Variants in CSMD1 observed in about 807,000 individuals in gnomAD.
CSMD1 encodes CUB and sushi domain-containing protein 1.
In CSMD1, 213 loss-of-function variants were observed where a neutral mutation model predicts 417.5. The observed-to-expected ratio is 0.51, with a 90% CI of 0.46 to 0.57. The LOEUF (loss-of-function observed/expected upper bound fraction) is 0.57. Ranked by LOEUF, CSMD1 falls within the 20% of genes least tolerant of loss-of-function variation. The probability of loss-of-function intolerance (pLI) is 0.00; values close to 1 mark genes in which losing one functional copy is unlikely to be tolerated. For synonymous variants in CSMD1, 2,862 were observed against 1,736.8 expected (o/e 1.65, Z -16.11); for missense variants, 6,923 against 4,529.7 (o/e 1.53, Z -15.17).
At chr8:4,471,069 G>C (rs1051428775) in intron 2 of CSMD1, among the ~76,000 whole-genome samples, 3 of 152,096 alleles carry the variant, frequency 2.0e-5, no homozygotes, top group Admixed American at 6.5e-5. Flanking sequence ...TAATAAATCA[G>C]TTAAAATCTT....
At chr8:4,379,247 T>C (rs1802946631) in intron 3 of CSMD1, among the ~76,000 whole-genome samples, 2 of 152,098 alleles carry the variant, frequency 1.3e-5, no homozygotes, top group Admixed American at 6.6e-5. Flanking sequence ...AGCCTCAACA[T>C]GTGGGACTTT....
At chr8:3,632,582 A>T (rs575738820) in intron 7 of CSMD1, among the ~76,000 whole-genome samples, 21 of 152,306 alleles carry the variant, frequency 1.4e-4, no homozygotes, top group African/African-American at 5.1e-4. Context: ...CATAAAGATG[A>T]TGATTCTGGA....
intron 3 of CSMD1, among the ~76,000 whole-genome samples, chr8:4,321,842 G>C (rs903291055): frequency 2.6e-5 from 4 of 152,098 alleles, no homozygotes; most frequent in Non-Finnish European, 4.4e-5. Flanking sequence ...TACACTACTT[G>C]ACACGTAATT....
At chr8:3,995,972 C>T (rs1815181759) in intron 5 of CSMD1, among the ~76,000 whole-genome samples, 1 of 152,172 alleles carries the variant, frequency 6.6e-6, no homozygotes, top group African/African-American at 2.4e-5. Context: ...ACCAAGAAGA[C>T]AGTGGTAGTC....
intron 1 of CSMD1, among the ~76,000 whole-genome samples, chr8:4,913,502 A>G (rs1481916930): frequency 3.3e-5 from 5 of 152,128 alleles, no homozygotes; most frequent in Admixed American, 3.3e-4. Flanking sequence ...AACTACCCCC[A>G]TATGTCTTAT....
intron 1 of CSMD1, among the ~76,000 whole-genome samples, chr8:4,881,974 G>C (rs1316777609): frequency 6.6e-6 from 1 of 151,746 alleles, no homozygotes; most frequent in Non-Finnish European, 1.5e-5. Context: ...TATGACATGG[G>C]GCTCAGCTAT....
At chr8:3,809,292 A>C (rs147262129) in intron 5 of CSMD1, among the ~76,000 whole-genome samples, 33 of 152,208 alleles carry the variant, frequency 2.2e-4, no homozygotes, top group African/African-American at 7.5e-4. Context: ...TCACAACACA[A>C]TGCACCTTTC....
Position 3,334,298 on chromosome 8 carries a change from T to A in CSMD1, c.3631+8996A>T, listed in dbSNP as rs544063860. ...CTTCAGGTTTGTTTCCAGTAATTGA[T>A]TGCATTCAGCAGCTGTGTACACTTC... is the stretch of plus-strand genomic sequence containing the variant. On this transcript the variant is annotated intron_variant, in intron 23 of 69. Coordinates refer to ENST00000635120, the MANE Select transcript of CSMD1 (RefSeq NM_033225.6). Among the ~76,000 whole-genome samples the A allele has an allele frequency of 2.6e-5, 4 of 152,326 alleles. No individual in the cohort carries two copies. In the South Asian group the frequency reaches 8.3e-4, roughly 32 times the overall value.
chr8:3,217,470 T>A (rs1197820683), intron 29 of CSMD1, among the ~76,000 whole-genome samples: 1 of 152,208 alleles, frequency 6.6e-6, no homozygotes, highest in East Asian at 1.9e-4. Context: ...GAGTGGGCAA[T>A]GATCAGTGTA....
intron 7 of CSMD1, among the ~76,000 whole-genome samples, chr8:3,700,874 AG>A (rs1246159853): frequency 2.0e-5 from 3 of 152,042 alleles, no homozygotes; most frequent in African/African-American, 7.2e-5. Context: ...GAGGGTCTGG[AG>A]AAGAGGAAGG....
rs1048309670 is a variant in CSMD1, at chr8:3,111,705, G to C, written c.6431-1370C>G. Among the ~76,000 whole-genome samples, 5 of 152,046 alleles carry C rather than the reference G, an allele frequency of 3.3e-5. 1 individual carries two copies. The highest frequency in any genetic ancestry group is 3.3e-4 in the Admixed American group (5 of 15,274). ...AAATCAGCCAGGCGTGGTGGTGCAC[G>C]CCTGTAATCCCAAGTACTTGGGGGG... On this transcript the variant is annotated intron_variant, in intron 42 of 69. Coordinates refer to ENST00000635120, the MANE Select transcript of CSMD1 (RefSeq NM_033225.6).
rs1803654306 is a variant in CSMD1, at chr8:4,648,163, T to C, written c.86-10605A>G. ...GTTTTGATTTGCGTTTCTCTGATTATCAGTGATGTTGAGCTTTCTTTCTTA... is the reference window on the plus strand; with the variant it reads ...GTTTTGATTTGCGTTTCTCTGATTACCAGTGATGTTGAGCTTTCTTTCTTA... On this transcript the variant is annotated intron_variant, in intron 1 of 69. Transcript: ENST00000635120. Among the ~76,000 whole-genome samples, 2 of 152,244 alleles carry C rather than the reference T, an allele frequency of 1.3e-5. 1 individual carries two copies. The highest frequency in any genetic ancestry group is 4.1e-4 in the South Asian group (2 of 4,832).
intron 3 of CSMD1, among the ~76,000 whole-genome samples, chr8:4,280,525 T>C (rs1051283595): frequency 3.9e-5 from 6 of 152,210 alleles, no homozygotes; most frequent in Admixed American, 1.3e-4. Flanking sequence ...AGCAAATTGT[T>C]TACAGTGCCC....
intron 3 of CSMD1, among the ~76,000 whole-genome samples, chr8:4,280,770 C>T (rs1388298795): frequency 1.3e-5 from 2 of 152,038 alleles, no homozygotes; most frequent in Admixed American, 6.6e-5. Context: ...AAACATGTTA[C>T]TATATATAAA....
intron 54 of CSMD1, among the ~76,000 whole-genome samples, chr8:2,979,204 C>CA (rs1805194337): frequency 6.6e-6 from 1 of 152,162 alleles, no homozygotes; most frequent in South Asian, 2.1e-4. Context: ...AATTACCCCC[C>CA]AACACACATA....
chr8:3,039,886 A>G (rs1433504137), intron 50 of CSMD1, among the ~76,000 whole-genome samples: 1 of 152,164 alleles, frequency 6.6e-6, no homozygotes. Flanking sequence ...CGTCCCCAAT[A>G]TCAAACCAAA....
intron 2 of CSMD1, among the ~76,000 whole-genome samples, chr8:4,514,549 T>C (rs1251056431): frequency 6.6e-6 from 1 of 152,178 alleles, no homozygotes; most frequent in African/African-American, 2.4e-5. Flanking sequence ...CAACTGACGC[T>C]AATTCCAACT....
chr8:4,585,185 T>C (rs1205552479), intron 2 of CSMD1, among the ~76,000 whole-genome samples: 1 of 150,896 alleles, frequency 6.6e-6, no homozygotes, highest in African/African-American at 2.4e-5. Context: ...TAACTGTGAT[T>C]AATATGTTCA....
chr8:4,207,262 C>G (rs114244562), intron 3 of CSMD1, among the ~76,000 whole-genome samples: 1,744 of 152,168 alleles, frequency 0.011, 30 homozygotes, highest in African/African-American at 0.036. Context: ...TTTCAAGTGA[C>G]AGAATGAAAC....
Sources: allele counts gnomAD v4.1 joint callset (sites outside exome capture counted in the v4.1 genomes callset), GRCh38; gene constraint gnomAD v4.1.1; transcripts MANE v1.5; gene names NCBI Gene and HGNC (gene_info 2026-07-23, HGNC 2026-07-21).